FAM241A: variants seen among roughly 807,000 people sequenced by gnomAD.
The protein encoded by FAM241A is family with sequence similarity 241 member A.
FAM241A carries 7 observed loss-of-function variants against 12.2 expected under a neutral mutation model. The observed-to-expected ratio is 0.58, with a 90% confidence interval of 0.33 to 1.08. The LOEUF is 1.08. Among genes scored for constraint, FAM241A ranks in the 50% least tolerant of loss-of-function variants. FAM241A has a pLI of 0.04. For missense variants in FAM241A, 161 were observed against 169.7 expected, an observed-to-expected ratio of 0.95 and a Z score of 0.29; for synonymous variants, 74 against 68.2, an observed-to-expected ratio of 1.08 and a Z score of -0.42.
At position 112,187,020 on chromosome 4, in the gene FAM241A, GAA is replaced by G; in HGVS notation, c.*86_*87del. 6.7e-7 allele frequency: 1 copy of G among 1,488,860 alleles called. No individual in the cohort carries two copies. Among genetic ancestry groups the G allele is most frequent in the Non-Finnish European group, 9.0e-7 (1 of 1,107,284 alleles). The allele number at this position is 1,488,860 out of a possible 1,614,324, so 92.2% of individuals were successfully genotyped here. ...TTATATATTTCACTTTTTGACAACC[GAA>G]AAAGTTTGCCTTGTTTCAAATCATG... On this transcript the variant is annotated 3_prime_UTR_variant, in exon 2 of 2. Coordinates refer to ENST00000309733, the MANE Select transcript of FAM241A (RefSeq NM_152400.3).
intron 1 of FAM241A, among the ~76,000 whole-genome samples, chr4:112,157,831 T>C (rs573119545): frequency 6.6e-6 from 1 of 152,232 alleles, no homozygotes; most frequent in Admixed American, 6.5e-5. Context: ...CAATTGCTTG[T>C]TCATGTCATC....
chr4:112,151,736 C>T (rs895641265), intron 1 of FAM241A, among the ~76,000 whole-genome samples: 2 of 152,162 alleles, frequency 1.3e-5, no homozygotes, highest in African/African-American at 4.8e-5. Flanking sequence ...TATATTTAAA[C>T]TCTTGGTAAA....
chr4:112,184,764 C>A (rs957867892), intron 1 of FAM241A, among the ~76,000 whole-genome samples: 2 of 151,930 alleles, frequency 1.3e-5, no homozygotes, highest in Non-Finnish European at 2.9e-5. Context: ...TTTTTTCACT[C>A]TTCCCTTAAA....
Position 112,187,870 on chromosome 4 carries a change from T to A in FAM241A, c.*932T>A, listed in dbSNP as rs938511305. 6 of 152,194 alleles carry A rather than the reference T, an allele frequency of 3.9e-5. No individual in the cohort carries two copies. Among genetic ancestry groups the A allele is most frequent in the Admixed American group, 1.3e-4 (2 of 15,252 alleles). The allele number at this position is 152,194 out of a possible 1,614,324, so 9.4% of individuals were successfully genotyped here. On this transcript the variant is annotated 3_prime_UTR_variant, in exon 2 of 2. Coordinates refer to ENST00000309733, the MANE Select transcript of FAM241A (RefSeq NM_152400.3). The stretch of plus-strand genomic sequence containing the variant: ...TTGACATGGATTTTTTCACAAAAAA[T>A]TTGTATTTTACTGTTGTTTTCAGGA...
At chr4:112,152,650 T>C (rs1723266501) in intron 1 of FAM241A, among the ~76,000 whole-genome samples, 1 of 152,158 alleles carries the variant, frequency 6.6e-6, no homozygotes. Context: ...TCATGTGTTT[T>C]TTCCCTCCCC....
chr4:112,188,516 A>C lies in FAM241A; in HGVS notation c.*1578A>C, dbSNP rs1212748680. On this transcript the variant is annotated 3_prime_UTR_variant, in exon 2 of 2. Transcript: ENST00000309733. Reference sequence around the variant, plus strand: ...TAAAATTTGACTTTTAAAAAACAAAAGACTTTGTACGATATTGTGTTTTTA... The same window carrying C: ...TAAAATTTGACTTTTAAAAAACAAACGACTTTGTACGATATTGTGTTTTTA... 6.6e-6 allele frequency: 1 copy of C among 152,180 alleles called. No homozygotes were observed. The highest frequency in any genetic ancestry group is 2.4e-5 in the African/African-American group (1 of 41,466). 9.4% of individuals were successfully genotyped at this position (152,180 alleles called of 1,614,324 possible).
chr4:112,190,514 C>T lies in FAM241A; in HGVS notation c.*3576C>T, dbSNP rs111791163. Reference sequence around the variant, plus strand: ...TAGCCTGACCAACATGGAGAAACCCCGTCTCTACTAAAAAAAAAAAAAAAA... The same window carrying T: ...TAGCCTGACCAACATGGAGAAACCCTGTCTCTACTAAAAAAAAAAAAAAAA... On this transcript the variant is annotated 3_prime_UTR_variant, in exon 2 of 2. Coordinates refer to ENST00000309733, the MANE Select transcript of FAM241A (RefSeq NM_152400.3). 13,490 of 139,484 alleles carry T rather than the reference C, an allele frequency of 0.097. 769 individuals carry two copies. Among genetic ancestry groups the T allele is most frequent in the African/African-American group, 0.16 (5,767 of 36,732 alleles). The allele number at this position is 139,484 out of a possible 1,614,324, so 8.6% of individuals were successfully genotyped here. A position where few individuals can be genotyped will look rare whatever the true frequency, so the allele number is the denominator to read the frequency against.
chr4:112,174,789 AC>A (rs1723787601), intron 1 of FAM241A, among the ~76,000 whole-genome samples: 1 of 152,162 alleles, frequency 6.6e-6, no homozygotes, highest in Non-Finnish European at 1.5e-5. Flanking sequence ...CTGTACATAG[AC>A]CCATCAACAC....
chr4:112,159,546 A>C (rs1205120723), intron 1 of FAM241A, among the ~76,000 whole-genome samples: 3 of 152,180 alleles, frequency 2.0e-5, no homozygotes, highest in Non-Finnish European at 2.9e-5. Flanking sequence ...ATACTAGCAA[A>C]CCAAATTCAA....
chr4:112,154,808 G>A (rs1410365749), intron 1 of FAM241A, among the ~76,000 whole-genome samples: 2 of 152,062 alleles, frequency 1.3e-5, no homozygotes, highest in Admixed American at 6.6e-5. Context: ...TGAGGTGGGC[G>A]GGTCACCTGA....
intron 1 of FAM241A, among the ~76,000 whole-genome samples, chr4:112,157,915 A>G (rs1723386102): frequency 6.6e-6 from 1 of 152,140 alleles, no homozygotes; most frequent in Non-Finnish European, 1.5e-5. Flanking sequence ...GTTTCACAGC[A>G]ATGTAGAGGC....
rs1724061388 is a variant in FAM241A at position 112,186,983 on chromosome 4, TAA to T, written c.*46_*47del. 1.9e-6 allele frequency: 3 copies of T among 1,572,574 alleles called. No individual in the cohort carries two copies. The highest frequency in any genetic ancestry group is 2.6e-6 in the Non-Finnish European group (3 of 1,159,676). ...GTTTGACATTTGGTAGCCATATATG[TAA>T]TTGAAGAAGTTATATATTTCACTTT... On this transcript the variant is annotated 3_prime_UTR_variant, in exon 2 of 2. Transcript: ENST00000309733.
chr4:112,189,971 A>C lies in FAM241A; in HGVS notation c.*3033A>C, dbSNP rs944409209. 7 of 152,200 alleles carry C rather than the reference A, an allele frequency of 4.6e-5. No individual in the cohort carries two copies. The highest frequency in any genetic ancestry group is 2.0e-4 in the Admixed American group (3 of 15,288). 9.4% of individuals were successfully genotyped at this position (152,200 alleles called of 1,614,324 possible). On this transcript the variant is annotated 3_prime_UTR_variant, in exon 2 of 2. Transcript: ENST00000309733. ...AGAACAGAACACATTTTGTGAAATA[A>C]AAGAAAGCATATGAGGTAAATCCCC...
Position 112,190,780 on chromosome 4 carries a change from A to T in FAM241A, c.*3842A>T, listed in dbSNP as rs79352437. The T allele has an allele frequency of 0.059, 8,919 of 151,896 alleles. 338 individuals are homozygous for T. Among genetic ancestry groups the T allele is most frequent in the Middle Eastern group, 0.092 (27 of 292 alleles). 9.4% of individuals were successfully genotyped at this position (151,896 alleles called of 1,614,324 possible). On this transcript the variant is annotated 3_prime_UTR_variant, in exon 2 of 2. Coordinates refer to ENST00000309733, the MANE Select transcript of FAM241A (RefSeq NM_152400.3). ...AAACTTATTTACAAACTATGACTTC[A>T]GGAGTATTGGTGGATTAGAGGTCAT... is the stretch of plus-strand genomic sequence containing the variant.
At chr4:112,154,229 T>G (rs928714595) in intron 1 of FAM241A, among the ~76,000 whole-genome samples, 2 of 152,154 alleles carry the variant, frequency 1.3e-5, no homozygotes, top group African/African-American at 4.8e-5. Context: ...TTTTGACTAC[T>G]TTTTTCCCCT....
intron 1 of FAM241A, among the ~76,000 whole-genome samples, chr4:112,170,981 G>T (rs987987997): frequency 9.2e-5 from 14 of 151,672 alleles, no homozygotes; most frequent in Non-Finnish European, 2.1e-4. Context: ...GGTAGGAATG[G>T]GATTAAAGGT....
chr4:112,171,253 C>T (rs780682174), intron 1 of FAM241A: 15 of 743,420 alleles, frequency 2.0e-5, no homozygotes, highest in South Asian at 2.7e-5. Context: ...ACTTTCTGTA[C>T]GAAGTGTGGC....
intron 1 of FAM241A, among the ~76,000 whole-genome samples, chr4:112,174,425 C>T (rs569935139): frequency 6.6e-5 from 10 of 152,228 alleles, no homozygotes; most frequent in South Asian, 2.1e-4. Flanking sequence ...TGGCTGAAGC[C>T]GGTGAGTGAA....
intron 1 of FAM241A, among the ~76,000 whole-genome samples, chr4:112,173,543 A>T (rs184885723): frequency 6.6e-6 from 1 of 152,202 alleles, no homozygotes; most frequent in African/African-American, 2.4e-5. Context: ...GTGTGAAAGG[A>T]TAGTGAAGAA....
Sources: gnomAD v4.1 joint callset for allele counts (sites outside exome capture counted in the v4.1 genomes callset) on GRCh38, gnomAD v4.1.1 for gene constraint, MANE v1.5 for transcripts, NCBI Gene and HGNC (gene_info 2026-07-23, HGNC 2026-07-21) for gene names.